Variants in HMCN1 observed in about 807,000 individuals in gnomAD.
HMCN1 encodes hemicentin 1.
A neutral mutation model predicts 625.9 loss-of-function variants in HMCN1; 321 were observed. That is an observed-to-expected ratio of 0.51 (90% CI 0.47 to 0.56). The LOEUF is 0.56. Ranked by LOEUF, HMCN1 falls within the 20% of genes least tolerant of loss-of-function variation. HMCN1 has a pLI of 0.00. For missense variants in HMCN1, 6,588 were observed against 6,887.3 expected, an observed-to-expected ratio of 0.96 and a Z score of 1.54; for synonymous variants, 2,425 against 2,417.6, an observed-to-expected ratio of 1.00 and a Z score of -0.09.
intron 23 of HMCN1, among the ~76,000 whole-genome samples, chr1:185,994,429 C>T (rs1263256057): frequency 1.3e-5 from 2 of 152,006 alleles, no homozygotes; most frequent in Non-Finnish European, 2.9e-5. Context: ...TGCTTTTTGT[C>T]CCTTATATTA....
chr1:185,893,068 A>G (rs1439797079), intron 4 of HMCN1, among the ~76,000 whole-genome samples: 1 of 152,002 alleles, frequency 6.6e-6, no homozygotes, highest in East Asian at 1.9e-4. Flanking sequence ...AAGTGACCCG[A>G]TTTTCCAGGT....
At chr1:186,114,252 AT>A in intron 73 of HMCN1, 129 bp downstream of exon 73, 1 of 984,646 alleles carries the variant, frequency 1.0e-6, no homozygotes, top group Non-Finnish European at 1.6e-6. Flanking sequence ...GAGAATCAAA[AT>A]TTAGTATTTT....
At chr1:186,139,474 TA>T (rs1649816175) in intron 89 of HMCN1, among the ~76,000 whole-genome samples, 1 of 152,192 alleles carries the variant, frequency 6.6e-6, no homozygotes. Context: ...ATATAATAAC[TA>T]AATGATATTT....
At chr1:186,170,362 G>A (rs1652147254) in intron 100 of HMCN1, among the ~76,000 whole-genome samples, 1 of 152,190 alleles carries the variant, frequency 6.6e-6, no homozygotes. Flanking sequence ...GTATAAATTA[G>A]TTCAATCATT....
intron 1 of HMCN1, among the ~76,000 whole-genome samples, chr1:185,741,459 G>A (rs1653989122): frequency 6.6e-6 from 1 of 152,144 alleles, no homozygotes; most frequent in Admixed American, 6.5e-5. Flanking sequence ...AAGGGGAGAT[G>A]TCTTGGGATC....
chr1:185,795,182 G>T (rs1301149895), intron 1 of HMCN1, among the ~76,000 whole-genome samples: 1 of 152,170 alleles, frequency 6.6e-6, no homozygotes, highest in Non-Finnish European at 1.5e-5. Context: ...AGTCGAGCTT[G>T]TGAAATTTCT....
chr1:186,021,432 G>A (rs1654712475), intron 35 of HMCN1, among the ~76,000 whole-genome samples: 1 of 152,070 alleles, frequency 6.6e-6, no homozygotes, highest in East Asian at 1.9e-4. Flanking sequence ...GAGAGTTCTG[G>A]CTGGACATAT....
rs543585399 is a variant in HMCN1 at position 186,134,828 on chromosome 1, T to C, written c.13313-1840T>C. On this transcript the variant is annotated intron_variant, in intron 86 of 106. Transcript: ENST00000271588. The stretch of plus-strand genomic sequence containing the variant: ...CAGTTCAATGTCACTAAAACACTGC[T>C]CTCATCCCATCATGCTCCTTCTCAA... Among the ~76,000 whole-genome samples, 6 of 152,298 alleles carry C rather than the reference T, an allele frequency of 3.9e-5. No homozygotes were observed. In the East Asian group the frequency reaches 1.2e-3, roughly 29 times the overall value.
In HMCN1 at chr1:185,898,187, T is replaced by A. The variant is rs74134359; in HGVS notation, c.622-11150T>A. Among the ~76,000 whole-genome samples, 1,157 of 152,238 alleles carry A rather than the reference T, an allele frequency of 7.6e-3. 14 individuals are homozygous for A. The highest frequency in any genetic ancestry group is 0.025 in the African/African-American group (1,040 of 41,554). ...ACAGAGAACAGGACTTGGATGGGGC[T>A]GGGATGCTAAAAGTTAATTAGGTCC... On this transcript the variant is annotated intron_variant, in intron 4 of 106. Transcript: ENST00000271588.
At chr1:186,032,416 A>G (rs1234232996) in intron 36 of HMCN1, among the ~76,000 whole-genome samples, 1 of 152,088 alleles carries the variant, frequency 6.6e-6, no homozygotes, top group Non-Finnish European at 1.5e-5. Context: ...ACCCACCCAA[A>G]TCTCACCTTG....
chr1:185,963,869 A>G lies in HMCN1; in HGVS notation c.2072A>G (p.Lys691Arg), dbSNP rs1650208801. ...CLASNSAGTD[K>R]QNSTLRYIEA... The stretch of plus-strand genomic sequence containing the variant: ...GCAAGTAATTCAGCTGGAACAGATA[A>G]ACAGAATTCTACTCTCAGATACATT... The change falls in exon 13 of 107, where the codon AAA (lysine) becomes AGA (arginine). Residue 691 changes from lysine to arginine, a missense_variant. Coordinates refer to ENST00000271588, the MANE Select transcript of HMCN1 (RefSeq NM_031935.3). 9 of 1,612,378 alleles carry G rather than the reference A, an allele frequency of 5.6e-6. No individual in the cohort carries two copies. Among genetic ancestry groups the G allele is most frequent in the Middle Eastern group, 1.7e-4 (1 of 6,044 alleles).
intron 97 of HMCN1, among the ~76,000 whole-genome samples, chr1:186,159,952 G>T (rs1346656105): frequency 6.6e-6 from 1 of 152,024 alleles, no homozygotes; most frequent in Admixed American, 6.6e-5. Flanking sequence ...AGTTAGGGAG[G>T]ATTCCCTCTT....
Position 186,151,710 on chromosome 1 carries a change from T to TTCA in HMCN1, c.14864_14866dup (p.Phe4955_Lys4956insIle). 1 of 1,613,688 alleles carries TTCA rather than the reference T, an allele frequency of 6.2e-7. No individual in the cohort carries two copies. The highest frequency in any genetic ancestry group is 1.3e-5 in the African/African-American group (1 of 75,050). ...TGGCTTTACCCTCACCAATGCAGTC[T>TTCA]TCAAAAGAGAAACTCAAGTGGAATT... On this transcript the variant is annotated inframe_insertion, in exon 95 of 107. Transcript: ENST00000271588.
chr1:185,944,516 G>T (rs1668239180), intron 11 of HMCN1, among the ~76,000 whole-genome samples: 1 of 152,202 alleles, frequency 6.6e-6, no homozygotes, highest in South Asian at 2.1e-4. Flanking sequence ...AAAGAAGATG[G>T]AAATGACAGC....
intron 68 of HMCN1, among the ~76,000 whole-genome samples, chr1:186,097,076 G>A (rs1278265291): frequency 1.3e-5 from 2 of 152,050 alleles, no homozygotes; most frequent in Non-Finnish European, 2.9e-5. Context: ...ATCCAAATTC[G>A]AAAGGAGGAA....
chr1:186,136,715 G>A lies in HMCN1; in HGVS notation c.13360G>A (p.Gly4454Ser), dbSNP rs368784372. 3 of 1,613,786 alleles carry A rather than the reference G, an allele frequency of 1.9e-6. No individual in the cohort carries two copies. Among genetic ancestry groups the A allele is most frequent in the African/African-American group, 2.7e-5 (2 of 74,878 alleles). The part of the protein sequence containing the change: ...LEPVETVINA[G>S]GKIILNCQAT... ...GCCAGTGGAAACTGTTATTAATGCTGGTGGCAAAATCATATTGAATTGTCA... is the reference window on the plus strand; with the variant it reads ...GCCAGTGGAAACTGTTATTAATGCTAGTGGCAAAATCATATTGAATTGTCA... Residue 4454 changes from glycine (G) to serine (S), a missense_variant, in exon 87 of 107, where the codon GGT becomes AGT. Gly to Ser is a moderately conservative substitution (Grantham distance 56). Coordinates refer to ENST00000271588, the MANE Select transcript of HMCN1 (RefSeq NM_031935.3).
At chr1:185,933,499 A>G in intron 10 of HMCN1, 50 bp from the exon 11 acceptor site, 1 of 1,602,620 alleles carries the variant, frequency 6.2e-7, no homozygotes, top group Non-Finnish European at 8.5e-7. Flanking sequence ...TCTGTAAGTG[A>G]GCAAAATGGC....
intron 4 of HMCN1, among the ~76,000 whole-genome samples, chr1:185,889,926 A>T (rs1664941377): frequency 6.7e-6 from 1 of 148,150 alleles, no homozygotes; most frequent in Non-Finnish European, 1.5e-5. Context: ...TTCGGCTGTG[A>T]ATCCATCTGG....
At chr1:186,145,716 A>G in intron 92 of HMCN1, 37 bp from the exon 93 acceptor site, 1 of 1,611,044 alleles carries the variant, frequency 6.2e-7, no homozygotes, top group African/African-American at 1.3e-5. Context: ...TTTTGAAGCC[A>G]ATTTCTTAAC....
Sources: allele counts gnomAD v4.1 joint callset (sites outside exome capture counted in the v4.1 genomes callset), GRCh38; gene constraint gnomAD v4.1.1; transcripts MANE v1.5; gene names NCBI Gene and HGNC (gene_info 2026-07-23, HGNC 2026-07-21).